Variants in ABCA8 observed in about 807,000 individuals in gnomAD.
ABCA8 encodes the protein ABC-type organic anion transporter ABCA8.
ABCA8 carries 177 observed loss-of-function variants against 192.3 expected under a neutral mutation model. The observed-to-expected ratio is 0.92, with a 90% CI of 0.81 to 1.04. The LOEUF is 1.04. Ranked by LOEUF, ABCA8 falls within the 50% of genes least tolerant of loss-of-function variation. The pLI is 0.00. For synonymous variants in ABCA8, 642 were observed against 690.2 expected, an observed-to-expected ratio of 0.93 and a Z score of 1.09; for missense variants, 1,915 against 1,904.8, an observed-to-expected ratio of 1.01 and a Z score of -0.10.
intron 5 of ABCA8, 45 bp from the exon 6 acceptor site, chr17:68,933,316 T>G (rs1250770245): frequency 4.8e-6 from 6 of 1,243,992 alleles, no homozygotes; most frequent in African/African-American, 1.5e-5. Flanking sequence ...TCACTATCTA[T>G]ATTATTGAAA....
intron 24 of ABCA8, among the ~76,000 whole-genome samples, chr17:68,888,824 G>A (rs905625247): frequency 3.3e-5 from 5 of 152,090 alleles, no homozygotes; most frequent in African/African-American, 7.2e-5. Context: ...GAGGGGATTC[G>A]AAGCCATAGA....
chr17:68,900,824 G>C (rs1240039986), intron 21 of ABCA8, among the ~76,000 whole-genome samples: 1 of 151,990 alleles, frequency 6.6e-6, no homozygotes. Context: ...CATCTCAGTA[G>C]ACACAGAGAA....
chr17:68,909,326 C>G (rs775856680), intron 17 of ABCA8, among the ~76,000 whole-genome samples: 1 of 152,144 alleles, frequency 6.6e-6, no homozygotes, highest in Non-Finnish European at 1.5e-5. Context: ...AACATGGAGA[C>G]AGCCAGAGCA....
Position 68,932,387 on chromosome 17 carries a change from A to G in ABCA8, c.698T>C (p.Phe233Ser). 1 of 1,614,036 alleles carries G rather than the reference A, an allele frequency of 6.2e-7. No homozygotes were observed. Among genetic ancestry groups the G allele is most frequent in the Non-Finnish European group, 8.5e-7 (1 of 1,179,888 alleles). ...DLYLFSCIIS[F>S]SSFIYYASVN... is the part of the protein sequence containing the mutation. The stretch of plus-strand genomic sequence containing the variant: ...AGATGCATAGTAAATGAATGAGGAA[A>G]ATGAAATAATGCAGGAAAAAAGGTA... Residue 233 changes from phenylalanine to serine, a missense_variant, in exon 7 of 40, where the codon TTT becomes TCT. Coordinates refer to ENST00000586539, the MANE Select transcript of ABCA8 (RefSeq NM_001288985.2).
chr17:68,883,613 T>A (rs967877470), intron 29 of ABCA8, among the ~76,000 whole-genome samples, 178 bp downstream of exon 29: 1 of 152,226 alleles, frequency 6.6e-6, no homozygotes, highest in East Asian at 1.9e-4. Flanking sequence ...TTTCTTCCAC[T>A]AGATCATAAT....
intron 29 of ABCA8, among the ~76,000 whole-genome samples, chr17:68,883,335 G>A (rs1567825655): frequency 6.6e-6 from 1 of 152,184 alleles, no homozygotes; most frequent in Non-Finnish European, 1.5e-5. Context: ...TTCTTTGTAT[G>A]GTGCCGAAAA....
intron 17 of ABCA8, among the ~76,000 whole-genome samples, chr17:68,910,509 C>G (rs991249721): frequency 2.0e-5 from 3 of 152,140 alleles, no homozygotes; most frequent in African/African-American, 7.2e-5. Context: ...AAACGTAGGA[C>G]CACAGGGACT....
In ABCA8 at chr17:68,940,756, AC is replaced by A; in HGVS notation, c.301+1del. 6.2e-7 allele frequency: 1 copy of A among 1,611,336 alleles called. No homozygotes were observed. Among genetic ancestry groups the A allele is most frequent in the Non-Finnish European group, 8.5e-7 (1 of 1,177,732 alleles). Reference sequence around the variant, plus strand: ...TTCTTCTTAAGTAACTAGAAAACTTACCTGCCAGGAAGGGAGTAGAGGCTAC... The same window carrying A: ...TTCTTCTTAAGTAACTAGAAAACTTACTGCCAGGAAGGGAGTAGAGGCTAC... On this transcript the variant is annotated splice_donor_variant, in intron 4 of 39. Coordinates refer to ENST00000586539, the MANE Select transcript of ABCA8 (RefSeq NM_001288985.2). LOFTEE classifies it high-confidence loss of function.
In ABCA8 at chr17:68,918,487, G is replaced by A. The variant is rs1430732324; in HGVS notation, c.1848C>T (p.Asn616=). 7 of 1,548,674 alleles carry A rather than the reference G, an allele frequency of 4.5e-6. No homozygotes were observed. In the South Asian group the frequency reaches 6.0e-5, roughly 13 times the overall value. ...GCTTTCTTTTCTGTCCACCACTTAA[G>A]TTTTGAGCAAGAACATCCTGAATAT... is the stretch of plus-strand genomic sequence containing the variant. ...MKNIQDVLAQ[N]LSGGQKRKLT... The change falls in exon 15 of 40, where the codon AAC becomes AAT. Residue 616 remains asparagine, a synonymous_variant. Coordinates refer to ENST00000586539, the MANE Select transcript of ABCA8 (RefSeq NM_001288985.2).
At chr17:68,917,104 C>T (rs987612360) in intron 17 of ABCA8, among the ~76,000 whole-genome samples, 2 of 151,998 alleles carry the variant, frequency 1.3e-5, no homozygotes, top group African/African-American at 4.8e-5. Flanking sequence ...CCCGACTCTA[C>T]CAAAAACACA....
At chr17:68,929,760 T>C in intron 7 of ABCA8, 58 bp from the exon 8 acceptor site, 9 of 1,462,012 alleles carry the variant, frequency 6.2e-6, no homozygotes, top group Non-Finnish European at 8.3e-6. Context: ...AAGGAAGACC[T>C]GAAATGGATT....
intron 15 of ABCA8, 49 bp downstream of exon 15, chr17:68,918,378 G>C: frequency 2.0e-6 from 3 of 1,535,728 alleles, no homozygotes; most frequent in Non-Finnish European, 2.6e-6. Flanking sequence ...ATTACCAAAA[G>C]TTCCATTTTT....
intron 9 of ABCA8, among the ~76,000 whole-genome samples, chr17:68,928,391 T>A (rs1447554506): frequency 1.3e-5 from 2 of 152,138 alleles, no homozygotes; most frequent in African/African-American, 4.8e-5. Flanking sequence ...AGTCAAAAGG[T>A]GTGGTGATCC....
At chr17:68,876,983 T>C (rs1272187576) in intron 33 of ABCA8, among the ~76,000 whole-genome samples, 1 of 152,060 alleles carries the variant, frequency 6.6e-6, no homozygotes, top group Non-Finnish European at 1.5e-5. Context: ...AATGAATAAT[T>C]ACTTTTTAAA....
intron 7 of ABCA8, among the ~76,000 whole-genome samples, 174 bp from the exon 8 acceptor site, chr17:68,929,876 A>G (rs4147975): frequency 0.44 from 66,871 of 151,326 alleles, 16,166 homozygotes; most frequent in Non-Finnish European, 0.55. Flanking sequence ...TTTTGGGCAG[A>G]ATTCTTTAGA....
chr17:68,890,776 C>T (rs1437824856), intron 24 of ABCA8, among the ~76,000 whole-genome samples: 2 of 152,210 alleles, frequency 1.3e-5, no homozygotes, highest in African/African-American at 4.8e-5. Flanking sequence ...ACCTCGGTTT[C>T]CCAAAGTGCT....
chr17:68,918,160 G>A lies in ABCA8; in HGVS notation c.1934C>T (p.Ala645Val), dbSNP rs2067430237. Residue 645 changes from alanine to valine, a missense_variant, in exon 16 of 40, where the codon GCT (alanine) becomes GTT (valine). Ala to Val is a moderately conservative substitution (Grantham distance 64). Coordinates refer to ENST00000586539, the MANE Select transcript of ABCA8 (RefSeq NM_001288985.2). ...PQIFLLDEPT[A>V]GLDPFSRHQV... ...GTGTCTTGAAAAGGGATCCAATCCA[G>A]CAGTTGGTTCATCCAACAGGAAAAT... is the stretch of plus-strand genomic sequence containing the variant. 6.2e-7 allele frequency: 1 copy of A among 1,614,064 alleles called. No homozygotes were observed. Among genetic ancestry groups the A allele is most frequent in the African/African-American group, 1.3e-5 (1 of 74,928 alleles).
intron 27 of ABCA8, chr17:68,884,798 A>C (rs1021964404): frequency 1.0e-6 from 1 of 985,110 alleles, no homozygotes; most frequent in African/African-American, 1.7e-5. Context: ...TTCCTTTTGC[A>C]TAGGTATAGG....
intron 5 of ABCA8, among the ~76,000 whole-genome samples, chr17:68,935,569 T>TATATATATATATATATATATATA (rs1555617704): frequency 9.4e-5 from 13 of 138,864 alleles, no homozygotes; most frequent in Non-Finnish European, 1.6e-4. Context: ...TATATATATA[T>TATATATATATATATATATATATA]TATCTTCTTT....
Sources: allele counts gnomAD v4.1 joint callset (sites outside exome capture counted in the v4.1 genomes callset), GRCh38; gene constraint gnomAD v4.1.1; transcripts MANE v1.5; gene names NCBI Gene and HGNC (gene_info 2026-07-23, HGNC 2026-07-21).